Variants in KCNJ15 observed in about 807,000 individuals in gnomAD.
KCNJ15 encodes the protein ATP-sensitive inward rectifier potassium channel 15.
Under a neutral mutation model 23.0 loss-of-function variants are expected in KCNJ15, and 14 were observed. The observed-to-expected ratio is 0.61, with a 90% CI of 0.40 to 0.95. The LOEUF (loss-of-function observed/expected upper bound fraction) is 0.95, where lower values mean the gene tolerates loss of function less well. KCNJ15 is among the 40% of genes least tolerant of loss of function. The pLI is 0.00. For synonymous variants in KCNJ15, 185 were observed against 183.2 expected (o/e 1.01, Z -0.08); for missense variants, 388 against 461.8 (o/e 0.84, Z 1.46).
intron 1 of KCNJ15, among the ~76,000 whole-genome samples, chr21:38,245,893 G>A (rs1979343605): frequency 6.6e-6 from 1 of 152,170 alleles, no homozygotes; most frequent in South Asian, 2.1e-4. Flanking sequence ...TGAATTCAGA[G>A]GTGGCTGTCC....
chr21:38,249,373 TACTAAGTAC>T (rs1298369751), intron 1 of KCNJ15, among the ~76,000 whole-genome samples: 13 of 152,182 alleles, frequency 8.5e-5, no homozygotes, highest in Admixed American at 8.5e-4. Context: ...TACTGCTGCC[TACTAAGTAC>T]ACACAGATTT....
chr21:38,283,570 C>G (rs1983573284), intron 1 of KCNJ15, among the ~76,000 whole-genome samples: 1 of 152,170 alleles, frequency 6.6e-6, no homozygotes, highest in African/African-American at 2.4e-5. Flanking sequence ...CAGATTGCTT[C>G]TAATGTTTTA....
chr21:38,249,118 G>T (rs1307034886), intron 1 of KCNJ15, among the ~76,000 whole-genome samples: 2 of 152,080 alleles, frequency 1.3e-5, no homozygotes, highest in Non-Finnish European at 2.9e-5. Flanking sequence ...TAACCATTTA[G>T]TGTCCCAAGG....
chr21:38,277,207 C>T (rs1227156126), intron 1 of KCNJ15, among the ~76,000 whole-genome samples: 1 of 152,040 alleles, frequency 6.6e-6, no homozygotes, highest in Non-Finnish European at 1.5e-5. Flanking sequence ...TCCTGGAGAT[C>T]GAATGTGAAC....
intron 1 of KCNJ15, among the ~76,000 whole-genome samples, chr21:38,235,245 A>C (rs575212889): frequency 1.4e-5 from 2 of 144,994 alleles, no homozygotes; most frequent in South Asian, 4.4e-4. Flanking sequence ...TAAATTTCTT[A>C]TTTTTTTTTT....
upstream of KCNJ15, among the ~76,000 whole-genome samples, chr21:38,254,236 C>T (rs984783400): frequency 1.3e-5 from 2 of 152,130 alleles, no homozygotes; most frequent in African/African-American, 2.4e-5. Flanking sequence ...CACATAGACG[C>T]GCATTTTAGA....
intron 1 of KCNJ15, chr21:38,238,182 T>C (rs555830148): frequency 4.6e-6 from 2 of 432,668 alleles, no homozygotes; most frequent in East Asian, 5.4e-5. Flanking sequence ...CTTTAGTCAG[T>C]TGGGAAGCTC....
chr21:38,274,686 C>T (rs74687124), intron 1 of KCNJ15, among the ~76,000 whole-genome samples: 4,427 of 152,166 alleles, frequency 0.029, 81 homozygotes, highest in Non-Finnish European at 0.038. Flanking sequence ...CTTCTTTGTC[C>T]CTCCTCCAAT....
rs1985846795 is a variant in KCNJ15 at position 38,302,161 on chromosome 21, T to C, written c.*1772T>C. 6.6e-6 allele frequency: 1 copy of C among 152,246 alleles called. No homozygotes were observed. Among genetic ancestry groups the C allele is most frequent in the Non-Finnish European group, 1.5e-5 (1 of 68,040 alleles). The allele number at this position is 152,246 out of a possible 1,614,324, so 9.4% of individuals were successfully genotyped here. A position where few individuals can be genotyped will look rare whatever the true frequency, so the allele number is the denominator to read the frequency against. On this transcript the variant is annotated 3_prime_UTR_variant, in exon 3 of 3. Coordinates refer to ENST00000398938, the MANE Select transcript of KCNJ15 (RefSeq NM_170736.3). ...CATTTGAGGTTAAGACAGCAAGTCC[T>C]TGACAAATATGTTCATGTCTATTTG...
intron 1 of KCNJ15, among the ~76,000 whole-genome samples, chr21:38,257,862 G>A (rs1289515488): frequency 6.6e-6 from 1 of 152,146 alleles, no homozygotes; most frequent in Non-Finnish European, 1.5e-5. Flanking sequence ...GCCAACGTTT[G>A]TCTCCTCTGT....
upstream of KCNJ15, among the ~76,000 whole-genome samples, chr21:38,253,940 C>T (rs1055559576): frequency 7.9e-5 from 12 of 152,028 alleles, no homozygotes; most frequent in African/African-American, 1.9e-4. Context: ...TTTTTATCTT[C>T]GGCTAAAAGG....
chr21:38,242,772 C>T (rs1424540759), intron 1 of KCNJ15, among the ~76,000 whole-genome samples: 3 of 152,142 alleles, frequency 2.0e-5, no homozygotes, highest in Non-Finnish European at 4.4e-5. Flanking sequence ...GCTCTGTGTT[C>T]CCCCAGCCCA....
intron 1 of KCNJ15, among the ~76,000 whole-genome samples, chr21:38,242,679 C>G (rs1979092999): frequency 6.6e-6 from 1 of 152,130 alleles, no homozygotes; most frequent in South Asian, 2.1e-4. Flanking sequence ...TCTTTCTGTG[C>G]AACTTCTTGG....
chr21:38,265,567 T>C (rs191617228), intron 1 of KCNJ15, among the ~76,000 whole-genome samples: 12 of 152,330 alleles, frequency 7.9e-5, no homozygotes, highest in Non-Finnish European at 7.3e-5. Context: ...TTTTGAATAG[T>C]CAGGCTTTAA....
upstream of KCNJ15, among the ~76,000 whole-genome samples, chr21:38,252,923 A>G (rs541389529): frequency 6.6e-6 from 1 of 152,300 alleles, no homozygotes; most frequent in Admixed American, 6.5e-5. Flanking sequence ...CACCATCTTC[A>G]TAAGATTGCC....
rs906948176 is a variant in KCNJ15 at position 38,302,491 on chromosome 21, T to C, written c.*2102T>C. On this transcript the variant is annotated 3_prime_UTR_variant, in exon 3 of 3. Coordinates refer to ENST00000398938, the MANE Select transcript of KCNJ15 (RefSeq NM_170736.3). ...TTTAATTATTTAGAAGGTTTTTTTT[T>C]CCTTGTCTGTTGATAATTTTATGGA... 5 of 151,812 alleles carry C rather than the reference T, an allele frequency of 3.3e-5. No individual in the cohort carries two copies. Among genetic ancestry groups the C allele is most frequent in the African/African-American group, 1.2e-4 (5 of 41,284 alleles). 9.4% of individuals were successfully genotyped at this position (151,812 alleles called of 1,614,324 possible).
chr21:38,250,483 T>G (rs1979750126), intron 1 of KCNJ15, among the ~76,000 whole-genome samples: 1 of 152,072 alleles, frequency 6.6e-6, no homozygotes, highest in Admixed American at 6.6e-5. Context: ...AGAACTAAAC[T>G]TGGAAAAGGG....
At chr21:38,236,768 G>A (rs1182010212) in intron 1 of KCNJ15, among the ~76,000 whole-genome samples, 1 of 152,188 alleles carries the variant, frequency 6.6e-6, no homozygotes. Context: ...TTACTCCTAT[G>A]TGTGGTACAA....
chr21:38,288,025 TCTTTG>T (rs1367693984), intron 1 of KCNJ15, among the ~76,000 whole-genome samples: 9 of 100,004 alleles, frequency 9.0e-5, no homozygotes, highest in Non-Finnish European at 1.5e-4. Flanking sequence ...CTTGTTTTTT[TCTTTG>T]TTTTTTTTTT....
Sources: allele counts gnomAD v4.1 joint callset (sites outside exome capture counted in the v4.1 genomes callset), GRCh38; gene constraint gnomAD v4.1.1; transcripts MANE v1.5; gene names NCBI Gene and HGNC (gene_info 2026-07-23, HGNC 2026-07-21).